PBLD: variants seen among roughly 807,000 people sequenced by gnomAD.
PBLD encodes phenazine biosynthesis-like domain-containing protein.
In PBLD, 26 loss-of-function variants were observed where a neutral mutation model predicts 31.3. The ratio of observed to expected loss-of-function variants is 0.83; its 90% confidence interval spans 0.61 to 1.15. The LOEUF (loss-of-function observed/expected upper bound fraction) is 1.15. Ranked by LOEUF, PBLD falls within the 50% of genes most tolerant of loss-of-function variation. The probability of loss-of-function intolerance (pLI) is 0.00; values close to 1 mark genes in which losing one functional copy is unlikely to be tolerated. For missense variants in PBLD, 307 were observed against 351.7 expected, an observed-to-expected ratio of 0.87 and a Z score of 1.02; for synonymous variants, 114 against 129.0, an observed-to-expected ratio of 0.88 and a Z score of 0.79.
At chr10:68,287,634 C>T (rs2044305465) in intron 8 of PBLD, 2 of 152,416 alleles carry the variant, frequency 1.3e-5, no homozygotes, top group Non-Finnish European at 2.9e-5. Flanking sequence ...CAGTGCAGCC[C>T]ACTGTTCCCA....
Position 68,316,480 on chromosome 10 carries a change from A to C in PBLD, c.-59-9577T>G, listed in dbSNP as rs528894952. ...AAAAGGAATGAAGAAAAATTATAAG[A>C]GCCTCAGAGATCTCTGGGACATCAT... On this transcript the variant is annotated intron_variant, in intron 1 of 9. Coordinates refer to ENST00000358769, the MANE Select transcript of PBLD (RefSeq NM_022129.4). Among the ~76,000 whole-genome samples, 3 of 152,320 alleles carry C rather than the reference A, an allele frequency of 2.0e-5. No individual in the cohort carries two copies. In the South Asian group the frequency reaches 6.2e-4, roughly 32 times the overall value.
In PBLD at chr10:68,295,302, G is replaced by A. The variant is rs1051991328; in HGVS notation, c.283+964C>T. On this transcript the variant is annotated intron_variant, in intron 4 of 9. Transcript: ENST00000358769. ...GAGCTCAGGAATTTGAGACCAGCCTGGGCAACATAGCAAAACCCTGTCTCT... is the reference window on the plus strand; with the variant it reads ...GAGCTCAGGAATTTGAGACCAGCCTAGGCAACATAGCAAAACCCTGTCTCT... Among the ~76,000 whole-genome samples the A allele has an allele frequency of 3.9e-5, 6 of 152,000 alleles. No individual in the cohort carries two copies. In the East Asian group the frequency reaches 9.7e-4, roughly 25 times the overall value.
chr10:68,298,120 T>G (rs2044455812), intron 2 of PBLD, among the ~76,000 whole-genome samples: 1 of 152,018 alleles, frequency 6.6e-6, no homozygotes, highest in South Asian at 2.1e-4. Context: ...CCAGGCATGG[T>G]GGTGCTTGCT....
chr10:68,319,053 GAGAAAGAA>G (rs60229423), intron 1 of PBLD, among the ~76,000 whole-genome samples: 7,303 of 98,688 alleles, frequency 0.074, 204 homozygotes, highest in African/African-American at 0.092. Flanking sequence ...AAGAAAGAGA[GAGAAAGAA>G]AGAAAGAAAG....
intron 1 of PBLD, among the ~76,000 whole-genome samples, chr10:68,325,753 C>T (rs118165632): frequency 0.01 from 1,593 of 152,268 alleles, 15 homozygotes; most frequent in Middle Eastern, 0.037. Context: ...GATCTTACTG[C>T]GTCCTCAACT....
At chr10:68,320,002 T>C (rs2044810223) in intron 1 of PBLD, among the ~76,000 whole-genome samples, 1 of 151,908 alleles carries the variant, frequency 6.6e-6, no homozygotes, top group South Asian at 2.1e-4. Flanking sequence ...TTTGTATTTT[T>C]AGTAGAGAAG....
At chr10:68,303,882 A>G (rs2044541818) in intron 2 of PBLD, among the ~76,000 whole-genome samples, 2 of 152,026 alleles carry the variant, frequency 1.3e-5, no homozygotes, top group African/African-American at 4.8e-5. Flanking sequence ...ACCTCATAAA[A>G]CCTAACATTA....
intron 1 of PBLD, among the ~76,000 whole-genome samples, chr10:68,327,673 C>CAAAAA (rs35759039): frequency 1.5e-5 from 1 of 68,812 alleles, no homozygotes; most frequent in African/African-American, 5.9e-5. Context: ...GACTCCACCT[C>CAAAAA]AAAAAAAAAA....
At chr10:68,284,773 C>T (rs911715696) in intron 9 of PBLD, among the ~76,000 whole-genome samples, 1 of 152,188 alleles carries the variant, frequency 6.6e-6, no homozygotes, top group African/African-American at 2.4e-5. Context: ...TCCAGGCAGA[C>T]AAAAGAGGCA....
intron 6 of PBLD, among the ~76,000 whole-genome samples, chr10:68,289,388 A>T (rs955995809): frequency 6.6e-6 from 1 of 152,020 alleles, no homozygotes; most frequent in Non-Finnish European, 1.5e-5. Context: ...TTAGTCGGGC[A>T]TGGTGGTGCA....
At chr10:68,310,776 G>A (rs1021608879) in intron 1 of PBLD, among the ~76,000 whole-genome samples, 4 of 145,076 alleles carry the variant, frequency 2.8e-5, no homozygotes, top group African/African-American at 1.0e-4. Flanking sequence ...CAAATGATGG[G>A]AATTCTTTCT....
chr10:68,289,336 TG>T (rs781211251), intron 6 of PBLD, among the ~76,000 whole-genome samples: 20 of 152,076 alleles, frequency 1.3e-4, no homozygotes. Context: ...GAGACCAGGC[TG>T]GCCAGCATGG....
intron 1 of PBLD, among the ~76,000 whole-genome samples, chr10:68,321,115 C>T (rs1395330538): frequency 6.6e-6 from 1 of 152,208 alleles, no homozygotes; most frequent in Non-Finnish European, 1.5e-5. Flanking sequence ...AGCCACCACC[C>T]CTAGCCCCGA....
chr10:68,285,118 T>G, intron 9 of PBLD: 1 of 1,328,022 alleles, frequency 7.5e-7, no homozygotes, highest in Non-Finnish European at 9.6e-7. Context: ...AAACACTTAT[T>G]GGGCAGTTAC....
At chr10:68,304,890 C>G (rs558751443) in intron 2 of PBLD, among the ~76,000 whole-genome samples, 1 of 152,324 alleles carries the variant, frequency 6.6e-6, no homozygotes, top group South Asian at 2.1e-4. Context: ...TGTTTTCATA[C>G]TAATCTTCCC....
At chr10:68,308,886 G>GTT (rs1251178070) in intron 1 of PBLD, among the ~76,000 whole-genome samples, 2 of 139,856 alleles carry the variant, frequency 1.4e-5, no homozygotes, top group Non-Finnish European at 3.2e-5. Context: ...GTGTGTTTGT[G>GTT]TGTGTGTGTT....
At chr10:68,301,300 G>A (rs2044503145) in intron 2 of PBLD, among the ~76,000 whole-genome samples, 1 of 152,140 alleles carries the variant, frequency 6.6e-6, no homozygotes, top group Admixed American at 6.5e-5. Context: ...TCCCACCTGT[G>A]GGCACCTGTG....
At chr10:68,330,639 G>A (rs2045028865) in intron 1 of PBLD, among the ~76,000 whole-genome samples, 1 of 151,952 alleles carries the variant, frequency 6.6e-6, no homozygotes, top group Admixed American at 6.6e-5. Context: ...TCTGCCTCCC[G>A]GGTCCACGCC....
chr10:68,332,407 A>T (rs1353034407), intron 1 of PBLD, among the ~76,000 whole-genome samples: 1 of 151,984 alleles, frequency 6.6e-6, no homozygotes, highest in Non-Finnish European at 1.5e-5. Flanking sequence ...TGCCGATGGG[A>T]GGACTTGCTC....
Sources: allele counts gnomAD v4.1 joint callset (sites outside exome capture counted in the v4.1 genomes callset), GRCh38; gene constraint gnomAD v4.1.1; transcripts MANE v1.5; gene names NCBI Gene and HGNC (gene_info 2026-07-23, HGNC 2026-07-21).